Variants in BCAS3 observed in about 807,000 individuals in gnomAD.
The protein encoded by BCAS3 is BCAS3 microtubule associated cell migration factor, also known as BCAS4/BCAS3 fusion.
A neutral mutation model predicts 116.1 loss-of-function variants in BCAS3; 53 were observed. The ratio of observed to expected loss-of-function variants is 0.46; its 90% CI spans 0.37 to 0.57. The LOEUF (loss-of-function observed/expected upper bound fraction) is 0.57. Ranked by LOEUF, BCAS3 falls within the 20% of genes least tolerant of loss-of-function variation. The pLI, the probability that BCAS3 is intolerant of heterozygous loss-of-function variation, is 0.00. For missense variants in BCAS3, 917 were observed against 1,165.4 expected (o/e 0.79, Z 3.10); for synonymous variants, 391 against 408.2 (o/e 0.96, Z 0.51).
chr17:61,309,452 G>A lies in BCAS3; in HGVS notation c.2426-58875G>A, dbSNP rs7210382. On this transcript the variant is annotated intron_variant, in intron 22 of 23. Transcript: ENST00000407086. This position sits in a 1 kb window ranked among gnomAD's most constrained non-coding sequence, Gnocchi z 4.6. ...GAGGAAGCAGGAAGCCACCGACAGG[G>A]GCATAACTGTGGACCTAAAGTGGAC... Among the ~76,000 whole-genome samples, 4,765 of 152,104 alleles carry A rather than the reference G, an allele frequency of 0.031. 238 individuals are homozygous for A. Among genetic ancestry groups the A allele is most frequent in the African/African-American group, 0.11 (4,422 of 41,456 alleles).
chr17:61,284,116 A>G (rs2051501864), intron 22 of BCAS3, among the ~76,000 whole-genome samples: 1 of 152,224 alleles, frequency 6.6e-6, no homozygotes, highest in Non-Finnish European at 1.5e-5. Flanking sequence ...AAAGGTTTGT[A>G]AACACACCAA....
At chr17:60,683,505 CTTTTTTTTTTTTTTTTTTTTTTTTTT>C (rs138663451) in intron 2 of BCAS3, among the ~76,000 whole-genome samples, 1 of 44,468 alleles carries the variant, frequency 2.2e-5, no homozygotes, top group East Asian at 6.8e-4. Flanking sequence ...AAGAGTTAGC[CTTTTTTTTTTTTTTTTTTTTTTTTTT>C]TTTTTTTTTT....
At position 61,181,994 on chromosome 17, in the gene BCAS3, C is replaced by G. The variant is rs2079511500; in HGVS notation, c.2425+97430C>G. On this transcript the variant is annotated intron_variant, in intron 22 of 23. Transcript: ENST00000407086. The surrounding 1 kb of genome is among the most constrained non-coding windows in gnomAD (Gnocchi z 5.0). ...GCTCAAGGGATCTTCCCACCTCAGCCTGCCTTGTAGCTGGGACTACAGGTG... is the reference window on the plus strand; with the variant it reads ...GCTCAAGGGATCTTCCCACCTCAGCGTGCCTTGTAGCTGGGACTACAGGTG... Among the ~76,000 whole-genome samples, 1 of 152,044 alleles carries G rather than the reference C, an allele frequency of 6.6e-6. No individual in the cohort carries two copies. The highest frequency in any genetic ancestry group is 6.6e-5 in the Admixed American group (1 of 15,264).
At chr17:60,734,416 C>T (rs1216473434) in intron 5 of BCAS3, among the ~76,000 whole-genome samples, 3 of 152,198 alleles carry the variant, frequency 2.0e-5, no homozygotes, top group African/African-American at 7.2e-5. Context: ...AGGTGTGAAC[C>T]ACTGTGCCCA....
At position 61,307,175 on chromosome 17, in the gene BCAS3, G is replaced by A. The variant is rs186498741; in HGVS notation, c.2426-61152G>A. 3.3e-5 allele frequency among the ~76,000 whole-genome samples: 5 copies of A among 152,312 alleles called. No homozygotes were observed. The highest frequency in any genetic ancestry group is 9.6e-5 in the African/African-American group (4 of 41,568). On this transcript the variant is annotated intron_variant, in intron 22 of 23. Coordinates refer to ENST00000407086, the MANE Select transcript of BCAS3 (RefSeq NM_017679.5). This position sits in a 1 kb window ranked among gnomAD's most constrained non-coding sequence, Gnocchi z 4.7. The stretch of plus-strand genomic sequence containing the variant: ...GAAGTGAAGAGCCTAGCCTAGTGCC[G>A]GCCCAAGTTGGGACTTGCTGAACAT...
In BCAS3 at chr17:60,993,499, A is replaced by C. The variant is rs2063658343; in HGVS notation, c.1486+3264A>C. Among the ~76,000 whole-genome samples the C allele has an allele frequency of 6.6e-6, 1 of 152,090 alleles. No individual in the cohort carries two copies. The highest frequency in any genetic ancestry group is 2.4e-5 in the African/African-American group (1 of 41,420). ...GATAGATAACACGTGTTAAAATTTT[A>C]TTTCCAGAATTTCCGTCTATTACTC... On this transcript the variant is annotated intron_variant, in intron 15 of 23. Transcript: ENST00000407086. The surrounding 1 kb of genome is among the most constrained non-coding windows in gnomAD (Gnocchi z 4.2).
At chr17:60,844,237 T>C (rs1225315545) in intron 7 of BCAS3, among the ~76,000 whole-genome samples, 1 of 152,236 alleles carries the variant, frequency 6.6e-6, no homozygotes, top group Non-Finnish European at 1.5e-5. Flanking sequence ...CCCAAAATGC[T>C]GGGATTACAG....
Position 61,089,716 on chromosome 17 carries a change from G to A in BCAS3, c.2425+5152G>A, listed in dbSNP as rs191065681. 1.7e-3 allele frequency among the ~76,000 whole-genome samples: 261 copies of A among 151,572 alleles called. 2 individuals carry two copies. Among genetic ancestry groups the A allele is most frequent in the Middle Eastern group, 6.8e-3 (2 of 294 alleles). ...CGGCTAATTTTTTGTATTTTTAGTA[G>A]AGTCGGGGTTTCACCATGTTGGCTA... On this transcript the variant is annotated intron_variant, in intron 22 of 23. Transcript: ENST00000407086.
rs1480396970 is a variant in BCAS3, at chr17:61,220,014, G to A, written c.2425+135450G>A. Among the ~76,000 whole-genome samples, 2 of 152,096 alleles carry A rather than the reference G, an allele frequency of 1.3e-5. No homozygotes were observed. The highest frequency in any genetic ancestry group is 2.1e-4 in the South Asian group (1 of 4,830). On this transcript the variant is annotated intron_variant, in intron 22 of 23. Transcript: ENST00000407086. This position sits in a 1 kb window ranked among gnomAD's most constrained non-coding sequence, Gnocchi z 4.5. ...GTGTGCCGTTAAAACTAAAGTTTTC[G>A]GCCGGGCGCGGTGGCTCACGCCTGT...
intron 6 of BCAS3, among the ~76,000 whole-genome samples, chr17:60,770,227 T>C (rs565975323): frequency 1.2e-4 from 18 of 152,010 alleles, no homozygotes; most frequent in Admixed American, 5.2e-4. Flanking sequence ...GGGGTTCTCG[T>C]GTAATTAGGA....
Position 61,392,364 on chromosome 17 carries a change from G to A in BCAS3, c.*239G>A, listed in dbSNP as rs965177613. On this transcript the variant is annotated 3_prime_UTR_variant, in exon 24 of 24. Coordinates refer to ENST00000407086, the MANE Select transcript of BCAS3 (RefSeq NM_017679.5). The surrounding 1 kb of genome is among the most constrained non-coding windows in gnomAD (Gnocchi z 6.4). ...GCTGTGGCCAGGAGAGACTGTAGAA[G>A]CTCGGTCCCTGTGTATGTTTGCATA... is the stretch of plus-strand genomic sequence containing the variant. 1 of 464,826 alleles carries A rather than the reference G, an allele frequency of 2.2e-6. No individual in the cohort carries two copies. Among genetic ancestry groups the A allele is most frequent in the South Asian group, 4.5e-5 (1 of 22,338 alleles). The allele number at this position is 464,826 out of a possible 1,614,324, so 28.8% of individuals were successfully genotyped here.
rs9906578 is a variant in BCAS3, at chr17:61,244,883, A to T, written c.2426-123444A>T. On this transcript the variant is annotated intron_variant, in intron 22 of 23. Coordinates refer to ENST00000407086, the MANE Select transcript of BCAS3 (RefSeq NM_017679.5). The surrounding 1 kb of genome is among the most constrained non-coding windows in gnomAD (Gnocchi z 4.9). ...GTCTCAAAAAAAATAAATAAATAAA[A>T]AAGGATATATAGGGAAGGAGCAATT... 0.067 allele frequency among the ~76,000 whole-genome samples: 10,156 copies of T among 152,176 alleles called. 410 individuals carry two copies. The highest frequency in any genetic ancestry group is 0.12 in the Middle Eastern group (35 of 294).
At chr17:61,146,132 A>T (rs1417658906) in intron 22 of BCAS3, among the ~76,000 whole-genome samples, 1 of 143,274 alleles carries the variant, frequency 7.0e-6, no homozygotes. Flanking sequence ...TTTTTGAGAC[A>T]GTTTCACGCT....
At chr17:60,863,664 G>A (rs1172160099) in intron 7 of BCAS3, among the ~76,000 whole-genome samples, 1 of 152,022 alleles carries the variant, frequency 6.6e-6, no homozygotes, top group South Asian at 2.1e-4. Flanking sequence ...TGTGACTAGA[G>A]GATTGCTTGA....
chr17:60,763,292 T>C lies in BCAS3; in HGVS notation c.403+16013T>C, dbSNP rs527995190. ...TTGTGCCAGTTTTCAAAGGGAATGC[T>C]TCCAGTTTTTGCCCATTCAGTATGA... is the stretch of plus-strand genomic sequence containing the variant. On this transcript the variant is annotated intron_variant, in intron 6 of 23. Transcript: ENST00000407086. 2.6e-5 allele frequency among the ~76,000 whole-genome samples: 4 copies of C among 152,352 alleles called. No individual in the cohort carries two copies. In the East Asian group the frequency reaches 5.8e-4, roughly 22 times the overall value.
At chr17:60,946,726 A>G (rs2060520104) in intron 13 of BCAS3, among the ~76,000 whole-genome samples, 1 of 151,960 alleles carries the variant, frequency 6.6e-6, no homozygotes, top group Non-Finnish European at 1.5e-5. Context: ...CCTGGGCAAC[A>G]TGGTGAGACC....
At chr17:61,170,578 C>CA (rs1260337388) in intron 22 of BCAS3, among the ~76,000 whole-genome samples, 2 of 152,154 alleles carry the variant, frequency 1.3e-5, no homozygotes, top group Non-Finnish European at 2.9e-5. Context: ...AGGCGTGAGC[C>CA]ACCGCGCCTG....
At chr17:60,977,354 T>G (rs868440503) in intron 14 of BCAS3, among the ~76,000 whole-genome samples, 42 of 152,148 alleles carry the variant, frequency 2.8e-4, no homozygotes, top group African/African-American at 8.7e-4. Context: ...TATTTTTCTT[T>G]TTTCTTTTTG....
chr17:61,116,004 C>T (rs1362028787), intron 22 of BCAS3, among the ~76,000 whole-genome samples: 1 of 148,556 alleles, frequency 6.7e-6, no homozygotes, highest in Non-Finnish European at 1.5e-5. Flanking sequence ...AAAAACCAAA[C>T]ACCGCATATT....
Sources: gnomAD v4.1 joint callset for allele counts (sites outside exome capture counted in the v4.1 genomes callset) on GRCh38, gnomAD v4.1.1 for gene constraint, Gnocchi (gnomAD v3.1) non-coding constraint, MANE v1.5 for transcripts, NCBI Gene and HGNC (gene_info 2026-07-23, HGNC 2026-07-21) for gene names.